The following SLC39A11 variants were observed in gnomAD, a reference collection of about 807,000 sequenced individuals.
SLC39A11 encodes the protein solute carrier family 39 member 11, also known as zinc transporter ZIP11.
A neutral mutation model predicts 36.1 loss-of-function variants in SLC39A11; 33 were observed. The observed-to-expected ratio is 0.91, with a 90% CI of 0.69 to 1.22. The LOEUF is 1.22. Among genes scored for constraint, SLC39A11 ranks in the 50% most tolerant of loss-of-function variants. The probability of loss-of-function intolerance (pLI) is 0.00; values close to 1 mark genes in which losing one functional copy is unlikely to be tolerated. For synonymous variants in SLC39A11, 166 were observed against 170.3 expected (o/e 0.97, Z 0.20); for missense variants, 432 against 430.3 (o/e 1.00, Z -0.03).
chr17:72,829,558 G>A (rs1197508282), intron 6 of SLC39A11, among the ~76,000 whole-genome samples: 1 of 152,112 alleles, frequency 6.6e-6, no homozygotes, highest in Non-Finnish European at 1.5e-5. Context: ...TAGAGGCAGA[G>A]GGAAAGGGAG....
At chr17:72,857,896 T>C (rs1167384911) in intron 5 of SLC39A11, among the ~76,000 whole-genome samples, 6 of 152,228 alleles carry the variant, frequency 3.9e-5, no homozygotes, top group African/African-American at 1.4e-4. Flanking sequence ...GATGCATAGT[T>C]TGCAAAAATT....
intron 4 of SLC39A11, among the ~76,000 whole-genome samples, chr17:72,952,767 G>A (rs1243787759): frequency 1.3e-5 from 2 of 152,138 alleles, no homozygotes; most frequent in Non-Finnish European, 2.9e-5. Flanking sequence ...AAGTGCGAGC[G>A]TGATCCTTCT....
intron 5 of SLC39A11, among the ~76,000 whole-genome samples, chr17:72,857,544 T>C (rs9894922): frequency 0.52 from 79,248 of 152,082 alleles, 21,238 homozygotes; most frequent in Non-Finnish European, 0.58. Flanking sequence ...TCTTAGCACT[T>C]TGAGGAACTG....
At chr17:72,856,067 C>T (rs1440331253) in intron 5 of SLC39A11, among the ~76,000 whole-genome samples, 1 of 152,136 alleles carries the variant, frequency 6.6e-6, no homozygotes, top group East Asian at 1.9e-4. Context: ...ACTGTAAAAC[C>T]TTTAATGTAT....
chr17:72,900,187 A>AAGAAAGAG, intron 5 of SLC39A11, among the ~76,000 whole-genome samples: 1 of 148,704 alleles, frequency 6.7e-6, no homozygotes, highest in South Asian at 2.1e-4. Context: ...GAAAGAAAGA[A>AAGAAAGAG]AGAAAGAAAG....
chr17:72,982,702 T>C (rs1236533135), intron 4 of SLC39A11, among the ~76,000 whole-genome samples: 1 of 152,086 alleles, frequency 6.6e-6, no homozygotes, highest in African/African-American at 2.4e-5. Flanking sequence ...CTTTTTTTTT[T>C]TTAACAGCTG....
At chr17:72,792,544 T>C (rs2076746042) in intron 6 of SLC39A11, among the ~76,000 whole-genome samples, 1 of 152,318 alleles carries the variant, frequency 6.6e-6, no homozygotes, top group South Asian at 2.1e-4. Context: ...TTAGAAAGTA[T>C]GAGAGAGGAG....
intron 5 of SLC39A11, among the ~76,000 whole-genome samples, chr17:72,905,846 C>T (rs1253027844): frequency 5.3e-5 from 8 of 152,212 alleles, no homozygotes; most frequent in South Asian, 2.1e-4. Flanking sequence ...CTCCGCCTCC[C>T]GGGTTCACGC....
chr17:72,952,136 G>C (rs368718229), intron 4 of SLC39A11, among the ~76,000 whole-genome samples: 1 of 152,236 alleles, frequency 6.6e-6, no homozygotes, highest in South Asian at 2.1e-4. Flanking sequence ...GCTATGCAGC[G>C]TGGGAGCTAC....
intron 7 of SLC39A11, among the ~76,000 whole-genome samples, chr17:72,712,091 C>T (rs2073125966): frequency 6.6e-6 from 1 of 152,220 alleles, no homozygotes. Flanking sequence ...ACTGTTGCCT[C>T]CCCATGCAAG....
At position 72,701,135 on chromosome 17, in the gene SLC39A11, G is replaced by T. The variant is rs563230864; in HGVS notation, c.671+35515C>A. Among the ~76,000 whole-genome samples, 5 of 152,368 alleles carry T rather than the reference G, an allele frequency of 3.3e-5. No homozygotes were observed. The South Asian group carries it at 8.3e-4, about 25-fold the overall frequency. ...GTGGCAGAGCTGGGAAACTTTGGAAGAACTGGTCTCATTTTGCAGTTCTCA... is the reference window on the plus strand; with the variant it reads ...GTGGCAGAGCTGGGAAACTTTGGAATAACTGGTCTCATTTTGCAGTTCTCA... On this transcript the variant is annotated intron_variant, in intron 7 of 9. Transcript: ENST00000255559.
chr17:73,011,542 A>G (rs1013343860), intron 4 of SLC39A11, among the ~76,000 whole-genome samples: 3 of 152,204 alleles, frequency 2.0e-5, no homozygotes, highest in Non-Finnish European at 4.4e-5. Flanking sequence ...ACCAGGGCAC[A>G]TAGACAAAAG....
chr17:72,796,655 G>A (rs1293424680), intron 6 of SLC39A11, among the ~76,000 whole-genome samples: 3 of 152,026 alleles, frequency 2.0e-5, no homozygotes, highest in Non-Finnish European at 4.4e-5. Flanking sequence ...CCCTGGAGGG[G>A]GCACGCTGTG....
At chr17:72,727,646 C>CAGCCTGGGTGAAAGA in intron 7 of SLC39A11, among the ~76,000 whole-genome samples, 2 of 133,940 alleles carry the variant, frequency 1.5e-5, no homozygotes, top group Non-Finnish European at 1.6e-5. Context: ...AGTGAGACTC[C>CAGCCTGGGTGAAAGA]GTCTCAAAAA....
At chr17:72,772,505 C>A (rs1002064727) in intron 6 of SLC39A11, among the ~76,000 whole-genome samples, 3 of 152,092 alleles carry the variant, frequency 2.0e-5, no homozygotes, top group Admixed American at 6.5e-5. Flanking sequence ...GTGCTCAGGC[C>A]CATGAGCAGA....
At chr17:72,674,986 A>ATGTGTG (rs10684358) in intron 7 of SLC39A11, among the ~76,000 whole-genome samples, 12 of 150,318 alleles carry the variant, frequency 8.0e-5, no homozygotes, top group East Asian at 5.9e-4. Flanking sequence ...GTGTGTGCGT[A>ATGTGTG]TGTGTGTGTG....
chr17:72,675,975 G>A (rs556843986), intron 7 of SLC39A11, among the ~76,000 whole-genome samples: 18 of 151,782 alleles, frequency 1.2e-4, no homozygotes, highest in Non-Finnish European at 2.5e-4. Context: ...CACTGTGCCC[G>A]GCCCAGATAT....
intron 7 of SLC39A11, among the ~76,000 whole-genome samples, chr17:72,671,299 C>T (rs1567928925): frequency 2.6e-5 from 4 of 152,206 alleles, no homozygotes; most frequent in Admixed American, 6.5e-5. Context: ...CTTCCCCTTA[C>T]CCTCTCCTCT....
intron 7 of SLC39A11, among the ~76,000 whole-genome samples, chr17:72,729,635 GA>G (rs1278491326): frequency 6.7e-6 from 1 of 149,086 alleles, no homozygotes; most frequent in Non-Finnish European, 1.5e-5. Flanking sequence ...TAAAGCACCA[GA>G]AAATTCTATC....
Sources: gnomAD v4.1 joint callset for allele counts (sites outside exome capture counted in the v4.1 genomes callset) on GRCh38, gnomAD v4.1.1 for gene constraint, MANE v1.5 for transcripts, NCBI Gene and HGNC (gene_info 2026-07-23, HGNC 2026-07-21) for gene names.